The following CCNL1 variants were observed in gnomAD, a reference collection of about 807,000 sequenced individuals.
CCNL1 encodes the protein cyclin-L1.
Under a neutral mutation model 60.6 loss-of-function variants are expected in CCNL1, and 13 were observed. The ratio of observed to expected loss-of-function variants is 0.21; its 90% CI spans 0.14 to 0.34. The LOEUF is 0.34. CCNL1 is among the 10% of genes least tolerant of loss of function. The pLI is 1.00. For missense variants in CCNL1, 481 were observed against 664.3 expected, an observed-to-expected ratio of 0.72 and a Z score of 3.03; for synonymous variants, 270 against 244.3, an observed-to-expected ratio of 1.10 and a Z score of -0.98.
intron 3 of CCNL1, among the ~76,000 whole-genome samples, chr3:157,155,745 A>T (rs185459386): frequency 2.9e-4 from 44 of 152,322 alleles, no homozygotes; most frequent in Admixed American, 7.8e-4. Flanking sequence ...TGCAACAAGC[A>T]CATTAAATTA....
At position 157,159,485 on chromosome 3, in the gene CCNL1, G is replaced by A. The variant is rs756107576; in HGVS notation, c.304-6C>T. On this transcript the variant is annotated splice_region_variant and splice_polypyrimidine_tract_variant and intron_variant, in intron 1 of 10. Coordinates refer to ENST00000295926, the MANE Select transcript of CCNL1 (RefSeq NM_020307.4). Reference sequence around the variant, plus strand: ...TGCCCCGTTGCCATCGCCACCTGCAGACAAGAGAGGAGAACGGAAGCGCAG... The same window carrying A: ...TGCCCCGTTGCCATCGCCACCTGCAAACAAGAGAGGAGAACGGAAGCGCAG... The A allele has an allele frequency of 9.4e-6, 15 of 1,603,192 alleles. No individual in the cohort carries two copies. Among genetic ancestry groups the A allele is most frequent in the East Asian group, 2.3e-5 (1 of 44,144 alleles).
At chr3:157,157,269 G>A (rs1738691980) in intron 3 of CCNL1, among the ~76,000 whole-genome samples, 2 of 152,062 alleles carry the variant, frequency 1.3e-5, no homozygotes, top group South Asian at 4.1e-4. Flanking sequence ...AACAAAATCA[G>A]TTTCTCTGTA....
Position 157,149,992 on chromosome 3 carries a change from A to G in CCNL1, c.880-15T>C. On this transcript the variant is annotated splice_polypyrimidine_tract_variant and intron_variant, in intron 7 of 10. Coordinates refer to ENST00000295926, the MANE Select transcript of CCNL1 (RefSeq NM_020307.4). ...TCATAGTTTGGCTGTTGGAGGAAAA[A>G]AAAGTTAGTATTTCTTCCTTAGAGT... 1 of 1,611,832 alleles carries G rather than the reference A, an allele frequency of 6.2e-7. No individual in the cohort carries two copies. Among genetic ancestry groups the G allele is most frequent in the Non-Finnish European group, 8.5e-7 (1 of 1,179,500 alleles).
downstream of CCNL1, among the ~76,000 whole-genome samples, chr3:157,145,525 A>G (rs1462668333): frequency 2.0e-5 from 3 of 151,864 alleles, no homozygotes; most frequent in African/African-American, 7.3e-5. Context: ...TCATTAGGAC[A>G]AATAACATTT....
intron 5 of CCNL1, 72 bp from the exon 6 acceptor site, chr3:157,150,453 A>C: frequency 6.5e-7 from 1 of 1,536,468 alleles, no homozygotes; most frequent in Non-Finnish European, 8.8e-7. Flanking sequence ...AAAATTGGAG[A>C]CTCAATCTAC....
downstream of CCNL1, among the ~76,000 whole-genome samples, chr3:157,145,104 C>G (rs375603883): frequency 6.6e-6 from 1 of 152,150 alleles, no homozygotes. Context: ...CTGCAAAGGA[C>G]AAATGTAATG....
In CCNL1 at chr3:157,159,844, A is replaced by G. The variant is rs1204830737; in HGVS notation, c.251T>C (p.Ile84Thr). 1.3e-6 allele frequency: 2 copies of G among 1,562,080 alleles called. No homozygotes were observed. The highest frequency in any genetic ancestry group is 1.7e-6 in the Non-Finnish European group (2 of 1,151,750). The change falls in exon 1 of 11, where the codon ATC (isoleucine) becomes ACC (threonine). Residue 84 changes from isoleucine to threonine, a missense_variant. By Grantham distance (89) the Ile-to-Thr change is moderately conservative. Around this residue, in one of 5 missense-constraint regions of CCNL1, gnomAD observed 130 missense variants for 174.5 expected, o/e 0.75. Transcript: ENST00000295926. ...LDLPSETDLR[I>T]LGCELIQAAG... ...GGCCTGGATGAGCTCGCAGCCCAGG[A>G]TGCGTAAGTCCGTCTCACTGGGCAG...
Position 157,147,892 on chromosome 3 carries a change from A to G in CCNL1, c.*349T>C. 5 of 1,011,526 alleles carry G rather than the reference A, an allele frequency of 4.9e-6. No individual in the cohort carries two copies. In the South Asian group the frequency reaches 1.4e-4, roughly 28 times the overall value. 62.7% of individuals were successfully genotyped at this position (1,011,526 alleles called of 1,614,324 possible). A position where few individuals can be genotyped will look rare whatever the true frequency, so the allele number is the denominator to read the frequency against. On this transcript the variant is annotated 3_prime_UTR_variant, in exon 11 of 11. Transcript: ENST00000295926. ...GAAAGTATTCACCATCATTTAAACA[A>G]ATAACCACTTAAATAGAACAGTGTC...
In CCNL1 at chr3:157,158,846, T is replaced by C; in HGVS notation, c.488+20A>G. 1 of 1,468,666 alleles carries C rather than the reference T, an allele frequency of 6.8e-7. No individual in the cohort carries two copies. The highest frequency in any genetic ancestry group is 9.5e-7 in the Non-Finnish European group (1 of 1,049,484). 91.0% of individuals were successfully genotyped at this position (1,468,666 alleles called of 1,614,324 possible). The stretch of plus-strand genomic sequence containing the variant: ...TACAGCAGTAGCAAGAGATACTATG[T>C]TCAATAATGCCAATCTTACCTTTTT... On this transcript the variant is annotated intron_variant, in intron 3 of 10. Coordinates refer to ENST00000295926, the MANE Select transcript of CCNL1 (RefSeq NM_020307.4).
downstream of CCNL1, among the ~76,000 whole-genome samples, chr3:157,147,261 T>C (rs1367471188): frequency 6.6e-6 from 1 of 152,162 alleles, no homozygotes; most frequent in Non-Finnish European, 1.5e-5. Context: ...TTGAAAAAAA[T>C]AGTAAATGTG....
At chr3:157,144,360 A>G (rs1577064852), downstream of CCNL1, among the ~76,000 whole-genome samples, 1 of 152,212 alleles carries the variant, frequency 6.6e-6, no homozygotes, top group East Asian at 1.9e-4. Flanking sequence ...TGAAGTCTGG[A>G]TTGCAATGGT....
intron 3 of CCNL1, chr3:157,154,583 C>A (rs1242488695): frequency 6.6e-6 from 1 of 152,120 alleles, no homozygotes; most frequent in African/African-American, 2.4e-5. Context: ...AGAAAACAAT[C>A]TGCGATGAAC....
intron 5 of CCNL1, chr3:157,151,218 A>C: frequency 1.0e-6 from 1 of 985,426 alleles, no homozygotes. Context: ...ATATTTACTG[A>C]GTCCAAAAGA....
intron 3 of CCNL1, chr3:157,156,948 G>A (rs1577078393): frequency 3.1e-6 from 4 of 1,289,754 alleles, no homozygotes; most frequent in South Asian, 1.2e-5. Flanking sequence ...GTTAGTCCCC[G>A]ATTCCAGTGA....
At position 157,148,386 on chromosome 3, in the gene CCNL1, C is replaced by T. The variant is rs762041871; in HGVS notation, c.1436G>A (p.Arg479Gln). 8.7e-6 allele frequency: 14 copies of T among 1,614,048 alleles called. No homozygotes were observed. In the Admixed American group the frequency reaches 1.0e-4, roughly 12 times the overall value. ...TTTCTTGGCTGCATCTGAGTGATCC[C>T]GAGACTTGCTCTGAGATCGAGAACG... ...KSRSRSQSKS[R>Q]DHSDAAKKHR... Residue 479 changes from arginine to glutamine, a missense_variant, in exon 11 of 11, where the codon CGG becomes CAG. By Grantham distance (43) the Arg-to-Gln change is conservative (BLOSUM62 1). Transcript: ENST00000295926.
intron 3 of CCNL1, among the ~76,000 whole-genome samples, chr3:157,156,538 T>C (rs988556730): frequency 7.9e-5 from 12 of 152,164 alleles, no homozygotes; most frequent in Non-Finnish European, 1.5e-4. Context: ...TAAAAGATAA[T>C]TATCGAACCA....
intron 5 of CCNL1, chr3:157,150,690 C>A: frequency 4.7e-6 from 5 of 1,055,384 alleles, no homozygotes; most frequent in Admixed American, 4.8e-5. Context: ...TTTTCAAAGT[C>A]AATTCTGACA....
At chr3:157,151,152 C>T (rs942975560) in intron 5 of CCNL1, 1 of 984,390 alleles carries the variant, frequency 1.0e-6, no homozygotes, top group Non-Finnish European at 1.2e-6. Context: ...TTATGCAACA[C>T]ATACTTAAAA....
At chr3:157,150,442 TA>T in intron 5 of CCNL1, 61 bp from the exon 6 acceptor site, 2 of 1,564,402 alleles carry the variant, frequency 1.3e-6, no homozygotes, top group Non-Finnish European at 1.7e-6. Context: ...GAAGCTTACA[TA>T]AAATTGGAGA....
Sources: gnomAD v4.1 joint callset for allele counts (sites outside exome capture counted in the v4.1 genomes callset) on GRCh38, gnomAD v4.1.1 for gene constraint, gnomAD v4.1.1 regional missense constraint, MANE v1.5 for transcripts, NCBI Gene and HGNC (gene_info 2026-07-23, HGNC 2026-07-21) for gene names.